MTURN: variants seen among roughly 807,000 people sequenced by gnomAD.
The protein encoded by MTURN is maturin, neural progenitor differentiation regulator homolog.
MTURN carries 7 observed loss-of-function variants against 14.9 expected under a neutral mutation model. The observed-to-expected ratio is 0.47, with a 90% confidence interval of 0.27 to 0.88. The LOEUF (loss-of-function observed/expected upper bound fraction) is 0.88, where lower values mean the gene tolerates loss of function less well. Ranked by LOEUF, MTURN falls within the 40% of genes least tolerant of loss-of-function variation. The probability of loss-of-function intolerance (pLI) is 0.14; values close to 1 mark genes in which losing one functional copy is unlikely to be tolerated. For missense variants in MTURN, 151 were observed against 174.1 expected (o/e 0.87, Z 0.75); for synonymous variants, 69 against 72.5 (o/e 0.95, Z 0.25).
Position 30,135,195 on chromosome 7 carries a change from A to C in MTURN, c.59A>C (p.Glu20Ala). ...AAATGGTGCTCCAACACGCCCTTCG[A>C]GCTCATCGCCACCGAGGAGACCGAA... ...AEKWCSNTPFELIATEETERR... is the reference protein window; with the variant it reads ...AEKWCSNTPFALIATEETERR... The change falls in exon 1 of 3, where the codon GAG becomes GCG. Residue 20 changes from glutamate to alanine, a missense_variant. By Grantham distance (107) the Glu-to-Ala change is moderately radical. Transcript: ENST00000324453. 1 of 1,507,814 alleles carries C rather than the reference A, an allele frequency of 6.6e-7. No individual in the cohort carries two copies. The highest frequency in any genetic ancestry group is 8.9e-7 in the Non-Finnish European group (1 of 1,126,542). 93.4% of individuals were successfully genotyped at this position (1,507,814 alleles called of 1,614,324 possible).
chr7:30,137,716 C>T (rs1355547285), intron 1 of MTURN: 1 of 470,706 alleles, frequency 2.1e-6, no homozygotes, highest in Non-Finnish European at 4.4e-6. Context: ...TACTGTTTGC[C>T]TCTAATAAGT....
In MTURN at chr7:30,162,215, GTC is replaced by G. The variant is rs1341794612; in HGVS notation, c.*4669_*4670del. On this transcript the variant is annotated 3_prime_UTR_variant, in exon 3 of 3. Transcript: ENST00000324453. ...TTTGATACCAGACAGAAAGCTGACA[GTC>G]TGTTCTTTGTAAACTGCCTTTCCCT... is the stretch of plus-strand genomic sequence containing the variant. 1 of 152,170 alleles carries G rather than the reference GTC, an allele frequency of 6.6e-6. No individual in the cohort carries two copies. 9.4% of individuals were successfully genotyped at this position (152,170 alleles called of 1,614,324 possible).
chr7:30,156,247 G>A (rs547532030), intron 2 of MTURN, among the ~76,000 whole-genome samples: 1 of 152,020 alleles, frequency 6.6e-6, no homozygotes, highest in Non-Finnish European at 1.5e-5. Context: ...TAATTATACA[G>A]CAATTGGAAA....
At position 30,141,575 on chromosome 7, in the gene MTURN, G is replaced by A. The variant is rs541509774; in HGVS notation, c.163-4602G>A. Among the ~76,000 whole-genome samples, 7 of 152,256 alleles carry A rather than the reference G, an allele frequency of 4.6e-5. No individual in the cohort carries two copies. In the South Asian group the frequency reaches 8.3e-4, roughly 18 times the overall value. On this transcript the variant is annotated intron_variant, in intron 1 of 2. Transcript: ENST00000324453. ...GGGTCTCACTCTTGCTCACGCTGGA[G>A]TACAATGGTGTGATCAGAGCTCACC...
intron 2 of MTURN, among the ~76,000 whole-genome samples, chr7:30,146,977 TC>T (rs1412299402): frequency 1.3e-4 from 20 of 152,232 alleles, no homozygotes; most frequent in Non-Finnish European, 2.9e-4. Context: ...TCTCAGTGTT[TC>T]CCCTAAGTTC....
chr7:30,138,090 T>C (rs1796993274), intron 1 of MTURN, among the ~76,000 whole-genome samples: 1 of 152,162 alleles, frequency 6.6e-6, no homozygotes, highest in Non-Finnish European at 1.5e-5. Context: ...TTGGGAAAGT[T>C]ATTTAACCCC....
chr7:30,144,764 A>G (rs1279807387), intron 1 of MTURN, among the ~76,000 whole-genome samples: 1 of 152,124 alleles, frequency 6.6e-6, no homozygotes, highest in Non-Finnish European at 1.5e-5. Context: ...GAAACCCTGC[A>G]ATGAGAAGAA....
chr7:30,143,044 G>T (rs1281066670), intron 1 of MTURN, among the ~76,000 whole-genome samples: 1 of 152,170 alleles, frequency 6.6e-6, no homozygotes, highest in Non-Finnish European at 1.5e-5. Context: ...ACTAAATCCT[G>T]TTCTCAGGAG....
chr7:30,135,246 C>T lies in MTURN; in HGVS notation c.110C>T (p.Pro37Leu). The change falls in exon 1 of 3, where the codon CCC becomes CTC. Residue 37 changes from proline to leucine, a missense_variant. By Grantham distance (98) the Pro-to-Leu change is moderately conservative. Coordinates refer to ENST00000324453, the MANE Select transcript of MTURN (RefSeq NM_152793.3). ...TERRMDFYAD[P>L]GVSFYVLCPD... ...CGCAGGATGGATTTCTACGCCGACC[C>T]CGGCGTCTCCTTCTATGTGCTGTGT... The T allele has an allele frequency of 2.0e-6, 3 of 1,520,002 alleles. No homozygotes were observed. The highest frequency in any genetic ancestry group is 1.4e-5 in the African/African-American group (1 of 69,322). The allele number at this position is 1,520,002 out of a possible 1,614,324, so 94.2% of individuals were successfully genotyped here.
At chr7:30,135,433 C>T (rs1325125859) in intron 1 of MTURN, 135 bp downstream of exon 1, 3 of 719,932 alleles carry the variant, frequency 4.2e-6, no homozygotes, top group Non-Finnish European at 5.4e-6. Context: ...CCGCGCCCCG[C>T]GTGCTCCGCC....
chr7:30,137,520 A>C, intron 1 of MTURN: 1 of 438,238 alleles, frequency 2.3e-6, no homozygotes. Context: ...AAATGCTTGA[A>C]AGTGTCATGT....
intron 1 of MTURN, 184 bp from the exon 2 acceptor site, chr7:30,145,993 T>A: frequency 1.3e-6 from 2 of 1,548,940 alleles, no homozygotes; most frequent in Non-Finnish European, 1.7e-6. Context: ...TTCTATAGAT[T>A]AGACATTTTT....
Position 30,160,535 on chromosome 7 carries a change from TAGAG to T in MTURN, c.*2991_*2994del, listed in dbSNP as rs1371017588. ...CCAGTACTTTTGGCCTGTTATCCAG[TAGAG>T]AGAAAGTGACAGTGAAAGTAACGTG... On this transcript the variant is annotated 3_prime_UTR_variant, in exon 3 of 3. Transcript: ENST00000324453. 1 of 152,076 alleles carries T rather than the reference TAGAG, an allele frequency of 6.6e-6. No individual in the cohort carries two copies. The highest frequency in any genetic ancestry group is 1.5e-5 in the Non-Finnish European group (1 of 68,036). 9.4% of individuals were successfully genotyped at this position (152,076 alleles called of 1,614,324 possible). A position where few individuals can be genotyped will look rare whatever the true frequency, so the allele number is the denominator to read the frequency against.
intron 1 of MTURN, chr7:30,145,755 A>T: frequency 7.4e-7 from 1 of 1,358,566 alleles, no homozygotes; most frequent in Non-Finnish European, 9.8e-7. Flanking sequence ...TAATGCTTAC[A>T]AACTATGCTT....
intron 2 of MTURN, among the ~76,000 whole-genome samples, chr7:30,148,801 A>T (rs1797165373): frequency 6.6e-6 from 1 of 152,168 alleles, no homozygotes; most frequent in Admixed American, 6.5e-5. Context: ...GGGGTTGGTA[A>T]TGTCAGAGCT....
In MTURN at chr7:30,159,255, A is replaced by T. The variant is rs979197971; in HGVS notation, c.*1707A>T. ...TAGTGTTTCATCCATTGGGGTGAGC[A>T]TATACTGCCCTTTGCAGCCCTGCCT... On this transcript the variant is annotated 3_prime_UTR_variant, in exon 3 of 3. Transcript: ENST00000324453. The T allele has an allele frequency of 1.3e-5, 2 of 152,226 alleles. No individual in the cohort carries two copies. The highest frequency in any genetic ancestry group is 4.8e-5 in the African/African-American group (2 of 41,454). The allele number at this position is 152,226 out of a possible 1,614,324, so 9.4% of individuals were successfully genotyped here.
At chr7:30,144,282 C>T (rs1469018490) in intron 1 of MTURN, among the ~76,000 whole-genome samples, 1 of 152,192 alleles carries the variant, frequency 6.6e-6, no homozygotes, top group East Asian at 1.9e-4. Context: ...TGTTAATCCC[C>T]TCTTTAACTT....
At chr7:30,137,588 T>G (rs1796984430) in intron 1 of MTURN, 1 of 471,192 alleles carries the variant, frequency 2.1e-6, no homozygotes, top group Middle Eastern at 3.2e-4. Flanking sequence ...GGGCAGATGA[T>G]TCCTTGGGTA....
At chr7:30,148,601 G>T (rs992579978) in intron 2 of MTURN, among the ~76,000 whole-genome samples, 3 of 152,236 alleles carry the variant, frequency 2.0e-5, no homozygotes, top group Non-Finnish European at 2.9e-5. Context: ...CACGGCAGAG[G>T]CGGGGTGAGG....
Sources: allele counts gnomAD v4.1 joint callset (sites outside exome capture counted in the v4.1 genomes callset), GRCh38; gene constraint gnomAD v4.1.1; transcripts MANE v1.5; gene names NCBI Gene and HGNC (gene_info 2026-07-23, HGNC 2026-07-21).